The following RHOJ variants were observed in gnomAD, a reference collection of about 807,000 sequenced individuals.
RHOJ encodes the protein ras homolog family member J, also known as rho-related GTP-binding protein RhoJ.
In RHOJ, 11 loss-of-function variants were observed where a neutral mutation model predicts 23.4. The ratio of observed to expected loss-of-function variants is 0.47; its 90% CI spans 0.30 to 0.78. The LOEUF (loss-of-function observed/expected upper bound fraction) is 0.78. Among genes scored for constraint, RHOJ ranks in the 30% least tolerant of loss-of-function variants. RHOJ has a pLI of 0.08. For missense variants in RHOJ, 254 were observed against 273.4 expected (o/e 0.93, Z 0.50); for synonymous variants, 102 against 102.7 (o/e 0.99, Z 0.04).
chr14:63,227,706 T>C (rs888508271), intron 1 of RHOJ, among the ~76,000 whole-genome samples: 5 of 152,234 alleles, frequency 3.3e-5, no homozygotes, highest in African/African-American at 1.2e-4. Context: ...AAGGGGACTT[T>C]CGCAGAAGAA....
intron 1 of RHOJ, among the ~76,000 whole-genome samples, chr14:63,260,910 C>T (rs1419805309): frequency 6.6e-6 from 1 of 151,924 alleles, no homozygotes; most frequent in Non-Finnish European, 1.5e-5. Flanking sequence ...CTTATATCAA[C>T]ACTACATTAG....
chr14:63,280,929 C>T (rs765886602), intron 2 of RHOJ, 42 bp from the exon 3 acceptor site: 5 of 1,582,286 alleles, frequency 3.2e-6, no homozygotes, highest in Non-Finnish European at 4.3e-6. Context: ...ATGGGACACA[C>T]CTTACACAGG....
At chr14:63,264,814 T>C (rs1312054572) in intron 1 of RHOJ, among the ~76,000 whole-genome samples, 3 of 152,232 alleles carry the variant, frequency 2.0e-5, no homozygotes, top group African/African-American at 4.8e-5. Context: ...TGGCCACTTG[T>C]ATGTCTTCTT....
In RHOJ at chr14:63,207,589, T is replaced by C. The variant is rs562856643; in HGVS notation, c.178+2542T>C. Among the ~76,000 whole-genome samples, 4 of 152,312 alleles carry C rather than the reference T, an allele frequency of 2.6e-5. No individual in the cohort carries two copies. In the East Asian group the frequency reaches 7.7e-4, roughly 29 times the overall value. The stretch of plus-strand genomic sequence containing the variant: ...ACTTTAGAAGCTATAATTTAAGTCA[T>C]AGAGAGCCTATCCATTGAAGACTTT... On this transcript the variant is annotated intron_variant, in intron 1 of 4. Transcript: ENST00000316754.
chr14:63,257,407 T>C (rs1399769607), intron 1 of RHOJ, among the ~76,000 whole-genome samples: 2 of 149,630 alleles, frequency 1.3e-5, no homozygotes, highest in African/African-American at 4.9e-5. Flanking sequence ...TTCATTTGGG[T>C]TTTCCCAGAT....
At chr14:63,259,658 C>G (rs1895239146) in intron 1 of RHOJ, among the ~76,000 whole-genome samples, 1 of 152,168 alleles carries the variant, frequency 6.6e-6, no homozygotes, top group South Asian at 2.1e-4. Flanking sequence ...CAGAAAGGAT[C>G]CAACCGCTGT....
intron 1 of RHOJ, among the ~76,000 whole-genome samples, chr14:63,258,327 G>A (rs1380123638): frequency 6.6e-6 from 1 of 151,464 alleles, no homozygotes; most frequent in Non-Finnish European, 1.5e-5. Context: ...TGCAGTTTCA[G>A]CCACCCATGC....
chr14:63,284,189 T>A, intron 4 of RHOJ: 1 of 977,144 alleles, frequency 1.0e-6, no homozygotes, highest in Non-Finnish European at 1.2e-6. Flanking sequence ...GCATTTATCT[T>A]ATTAAATCTT....
intron 2 of RHOJ, among the ~76,000 whole-genome samples, chr14:63,270,849 G>A (rs1895456205): frequency 6.6e-6 from 1 of 152,150 alleles, no homozygotes; most frequent in Non-Finnish European, 1.5e-5. Flanking sequence ...CTGCTGCCCA[G>A]TCAGTTGTCC....
intron 1 of RHOJ, among the ~76,000 whole-genome samples, chr14:63,256,299 A>C (rs544839838): frequency 1.5e-4 from 23 of 152,182 alleles, no homozygotes; most frequent in African/African-American, 5.5e-4. Context: ...TCTGTGACTA[A>C]AAATATTCTT....
intron 1 of RHOJ, among the ~76,000 whole-genome samples, chr14:63,263,304 T>G (rs1023350094): frequency 6.6e-6 from 1 of 152,198 alleles, no homozygotes; most frequent in East Asian, 1.9e-4. Flanking sequence ...CTTCCTTCTG[T>G]GCAGGTGTGA....
intron 1 of RHOJ, among the ~76,000 whole-genome samples, chr14:63,206,096 A>C (rs1894103462): frequency 2.0e-5 from 3 of 152,186 alleles, no homozygotes; most frequent in Admixed American, 1.3e-4. Flanking sequence ...TCTGCTTGGC[A>C]ATGTGGCCAT....
intron 1 of RHOJ, among the ~76,000 whole-genome samples, chr14:63,213,003 A>C (rs1894272533): frequency 6.6e-6 from 1 of 152,204 alleles, no homozygotes; most frequent in Non-Finnish European, 1.5e-5. Flanking sequence ...CCTAACAGCT[A>C]AGCCAACAGC....
At chr14:63,279,954 A>G (rs979241073) in intron 2 of RHOJ, among the ~76,000 whole-genome samples, 1 of 152,194 alleles carries the variant, frequency 6.6e-6, no homozygotes, top group African/African-American at 2.4e-5. Flanking sequence ...CAATTCCAAC[A>G]TGATGGAAGA....
At chr14:63,282,207 C>T (rs1369209057) in intron 3 of RHOJ, among the ~76,000 whole-genome samples, 1 of 151,896 alleles carries the variant, frequency 6.6e-6, no homozygotes, top group African/African-American at 2.4e-5. Flanking sequence ...ACAGAACATT[C>T]AATCACCTTT....
chr14:63,282,669 T>C (rs1387365163), intron 3 of RHOJ, among the ~76,000 whole-genome samples: 1 of 147,642 alleles, frequency 6.8e-6, no homozygotes, highest in Non-Finnish European at 1.5e-5. Flanking sequence ...ATGAAGATTT[T>C]ATTTGGAAAA....
chr14:63,272,161 G>T (rs781191173), intron 2 of RHOJ, among the ~76,000 whole-genome samples: 5 of 152,202 alleles, frequency 3.3e-5, no homozygotes, highest in Non-Finnish European at 5.9e-5. Flanking sequence ...TTAGGAGGAT[G>T]CAATGGAAAA....
At chr14:63,267,668 G>A (rs1043712684) in intron 1 of RHOJ, among the ~76,000 whole-genome samples, 3 of 152,172 alleles carry the variant, frequency 2.0e-5, no homozygotes, top group Non-Finnish European at 4.4e-5. Context: ...AAGAGCTCTG[G>A]GCCACACAGC....
chr14:63,219,002 T>A (rs1894425966), intron 1 of RHOJ, among the ~76,000 whole-genome samples: 1 of 152,208 alleles, frequency 6.6e-6, no homozygotes, highest in Non-Finnish European at 1.5e-5. Context: ...AATAGATATA[T>A]CGCTTCAATG....
Sources: allele counts gnomAD v4.1 joint callset (sites outside exome capture counted in the v4.1 genomes callset), GRCh38; gene constraint gnomAD v4.1.1; transcripts MANE v1.5; gene names NCBI Gene and HGNC (gene_info 2026-07-23, HGNC 2026-07-21).